The following GANAB variants were observed in gnomAD, a reference collection of about 807,000 sequenced individuals.
GANAB encodes neutral alpha-glucosidase AB.
Under a neutral mutation model 129.9 loss-of-function variants are expected in GANAB, and 35 were observed. The ratio of observed to expected loss-of-function variants is 0.27; its 90% CI spans 0.21 to 0.36. GANAB has a LOEUF of 0.36. Among genes scored for constraint, GANAB ranks in the 10% least tolerant of loss-of-function variants. GANAB has a pLI of 1.00. For synonymous variants in GANAB, 482 were observed against 451.8 expected (o/e 1.07, Z -0.85); for missense variants, 939 against 1,221.0 (o/e 0.77, Z 3.44).
Position 62,633,256 on chromosome 11 carries a change from CCT to C in GANAB, c.644_645del (p.Gln215ArgfsTer7), listed in dbSNP as rs768502347. 2.5e-6 allele frequency: 4 copies of C among 1,613,562 alleles called. No homozygotes were observed. The highest frequency in any genetic ancestry group is 2.2e-5 in the East Asian group (1 of 44,896). On this transcript the variant is annotated frameshift_variant, in exon 7 of 24. Transcript: ENST00000356638. LOFTEE classifies it high-confidence loss of function. ...PRDGDKPEET[Q>X]GKAEKDEPGA... is the part of the protein sequence containing the mutation. The stretch of plus-strand genomic sequence containing the variant: ...CCTGGCTCATCTTTCTCTGCCTTCC[CCT>C]GAGTCTCCTCTGGCTGTTAAGAAGA...
At chr11:62,641,523 A>T (rs527976298) in intron 1 of GANAB, among the ~76,000 whole-genome samples, 1 of 152,094 alleles carries the variant, frequency 6.6e-6, no homozygotes, top group East Asian at 1.9e-4. Flanking sequence ...TCTGAGCCCT[A>T]ATGCACCCCT....
At position 62,628,873 on chromosome 11, in the gene GANAB, C is replaced by T. The variant is rs1283234637; in HGVS notation, c.2076G>A (p.Gln692=). Residue 692 remains glutamine, a synonymous_variant, in exon 17 of 24, where the codon CAG becomes CAA. Transcript: ENST00000356638. ...AGGCATCTCGGATTATATCATTGTG[C>T]TGAGATGGTAACAGCCATGGCTCTC... The part of the protein sequence containing the change: ...GRREPWLLPS[Q]HNDIIRDALG... 6.2e-7 allele frequency: 1 copy of T among 1,614,140 alleles called. No homozygotes were observed. The highest frequency in any genetic ancestry group is 1.1e-5 in the South Asian group (1 of 91,084).
rs149696025 is a variant in GANAB, at chr11:62,644,952, A to G, written c.38+1610T>C. 5.3e-5 allele frequency among the ~76,000 whole-genome samples: 8 copies of G among 152,280 alleles called. No homozygotes were observed. In the East Asian group the frequency reaches 1.5e-3, roughly 29 times the overall value. ...TAGCTTCAGCATCTGCTTGAAAGCT[A>G]AAAGAAAATTACCAGAAATGAGATC... is the stretch of plus-strand genomic sequence containing the variant. On this transcript the variant is annotated intron_variant, in intron 1 of 23. Coordinates refer to ENST00000356638, the MANE Select transcript of GANAB (RefSeq NM_198334.3).
rs1039878270 is a variant in GANAB, at chr11:62,633,509, C to T, written c.566G>A (p.Gly189Glu). Residue 189 changes from glycine to glutamate, a missense_variant, in exon 6 of 24, where the codon GGA becomes GAA. This residue lies in a region of GANAB where 321 missense variants were observed against 329.1 expected (regional missense o/e 0.98). Coordinates refer to ENST00000356638, the MANE Select transcript of GANAB (RefSeq NM_198334.3). Reference protein sequence around the residue: ...EHQRAPRVSQGSKDPAEGDGA... With the variant: ...EHQRAPRVSQESKDPAEGDGA... ...ATCGCCCTCAGCTGGGTCTTTTGAT[C>T]CTTGCCTGGAAGGTAGGAGAGCTGT... is the stretch of plus-strand genomic sequence containing the variant. 1 of 1,613,782 alleles carries T rather than the reference C, an allele frequency of 6.2e-7. No individual in the cohort carries two copies. Among genetic ancestry groups the T allele is most frequent in the African/African-American group, 1.3e-5 (1 of 75,008 alleles).
At chr11:62,627,155 G>A in intron 18 of GANAB, 31 bp from the exon 19 acceptor site, 1 of 1,579,520 alleles carries the variant, frequency 6.3e-7, no homozygotes, top group Non-Finnish European at 8.7e-7. Context: ...CTCTGAATAG[G>A]GGGATTAGTT....
At chr11:62,644,032 C>T (rs1375160227) in intron 1 of GANAB, among the ~76,000 whole-genome samples, 2 of 152,152 alleles carry the variant, frequency 1.3e-5, no homozygotes, top group Non-Finnish European at 2.9e-5. Context: ...GCAACCTCTG[C>T]CTCGCGGGTT....
intron 15 of GANAB, 76 bp downstream of exon 15, chr11:62,629,512 A>G: frequency 2.1e-6 from 2 of 961,220 alleles, no homozygotes; most frequent in South Asian, 1.5e-5. Context: ...TTCCTCAGAG[A>G]GGCAGGTCCA....
chr11:62,625,542 G>A lies in GANAB; in HGVS notation c.*273C>T, dbSNP rs1699409438. On this transcript the variant is annotated 3_prime_UTR_variant, in exon 24 of 24. Transcript: ENST00000356638. Reference sequence around the variant, plus strand: ...GACAAGGGCCCTGTGGTTTCCTGGTGTTCGTAAGTGAATGTGCTCCAGTTA... The same window carrying A: ...GACAAGGGCCCTGTGGTTTCCTGGTATTCGTAAGTGAATGTGCTCCAGTTA... 3 of 494,612 alleles carry A rather than the reference G, an allele frequency of 6.1e-6. No homozygotes were observed. Among genetic ancestry groups the A allele is most frequent in the Non-Finnish European group, 1.1e-5 (3 of 270,344 alleles). The allele number at this position is 494,612 out of a possible 1,614,324, so 30.6% of individuals were successfully genotyped here. A position where few individuals can be genotyped will look rare whatever the true frequency, so the allele number is the denominator to read the frequency against.
intron 1 of GANAB, among the ~76,000 whole-genome samples, 158 bp downstream of exon 1, chr11:62,646,404 G>C (rs771810741): frequency 3.3e-5 from 5 of 152,118 alleles, no homozygotes; most frequent in Non-Finnish European, 5.9e-5. Flanking sequence ...GATCTACCAC[G>C]GGGAGACCGG....
At chr11:62,638,022 A>G (rs1214924461) in intron 4 of GANAB, among the ~76,000 whole-genome samples, 7 of 152,238 alleles carry the variant, frequency 4.6e-5, no homozygotes, top group African/African-American at 1.7e-4. Context: ...ATATGTGTGC[A>G]TATGTATACA....
At chr11:62,627,801 G>A (rs774002013) in intron 17 of GANAB, among the ~76,000 whole-genome samples, 8 of 152,012 alleles carry the variant, frequency 5.3e-5, no homozygotes, top group Non-Finnish European at 1.2e-4. Context: ...TCAGACAGTC[G>A]GGTTGGGGTT....
At chr11:62,632,519 C>A in intron 9 of GANAB, 46 bp downstream of exon 9, 1 of 1,490,244 alleles carries the variant, frequency 6.7e-7, no homozygotes. Context: ...TGCCTCAAGG[C>A]CTGGAAGCTT....
chr11:62,646,228 A>G (rs1162667708), intron 1 of GANAB, among the ~76,000 whole-genome samples: 1 of 152,048 alleles, frequency 6.6e-6, no homozygotes, highest in Non-Finnish European at 1.5e-5. Flanking sequence ...CGCCCCGACG[A>G]CCCCGCGCAC....
intron 8 of GANAB, 27 bp from the exon 9 acceptor site, chr11:62,632,772 T>G: frequency 6.3e-7 from 1 of 1,593,270 alleles, no homozygotes; most frequent in South Asian, 1.1e-5. Flanking sequence ...AGACTTGGGC[T>G]GCTAACTGGC....
At chr11:62,645,537 CAAAAA>C (rs11322640) in intron 1 of GANAB, among the ~76,000 whole-genome samples, 18 of 129,732 alleles carry the variant, frequency 1.4e-4, no homozygotes, top group Admixed American at 6.2e-4. Flanking sequence ...CTCTGTCTCT[CAAAAA>C]AAAAAAAAAA....
intron 1 of GANAB, among the ~76,000 whole-genome samples, chr11:62,642,891 G>T (rs1414265781): frequency 6.6e-5 from 10 of 152,144 alleles, no homozygotes; most frequent in Non-Finnish European, 1.5e-5. Context: ...AGCATAAAAG[G>T]TTGAATAGTT....
intron 17 of GANAB, among the ~76,000 whole-genome samples, chr11:62,627,786 T>C (rs1271630090): frequency 1.3e-5 from 2 of 152,140 alleles, no homozygotes; most frequent in Non-Finnish European, 2.9e-5. Flanking sequence ...CCCAGGAGTT[T>C]GCAGTCAGAC....
In GANAB at chr11:62,626,410, T is replaced by C. The variant is rs1267867562; in HGVS notation, c.2549A>G (p.His850Arg). Residue 850 changes from histidine (H) to arginine (R), a missense_variant, in exon 22 of 24, where the codon CAC becomes CGC. Physicochemically the swap from His to Arg is conservative, Grantham distance 29. Around this residue, in one of 5 missense-constraint regions of GANAB, gnomAD observed 230 missense variants for 259.9 expected, o/e 0.89. Transcript: ENST00000356638. ...AQGELFLDDGHTFNYQTRQEF... is the reference protein window; with the variant it reads ...AQGELFLDDGRTFNYQTRQEF... ...TTGGCGAGTCTGATAGTTGAACGTG[T>C]GCCCATCATCCAGAAAGAGCTCTCC... 2 of 1,613,392 alleles carry C rather than the reference T, an allele frequency of 1.2e-6. No individual in the cohort carries two copies. The highest frequency in any genetic ancestry group is 3.3e-5 in the Admixed American group (2 of 59,996).
At position 62,625,581 on chromosome 11, in the gene GANAB, T is replaced by C. The variant is rs1943329157; in HGVS notation, c.*234A>G. ...GTGCTCCAGTTAGAGCAACAGGATG[T>C]TGGGGGAATGAAGGGAAAGAGTTGG... On this transcript the variant is annotated 3_prime_UTR_variant, in exon 24 of 24. Transcript: ENST00000356638. 1 of 552,368 alleles carries C rather than the reference T, an allele frequency of 1.8e-6. No homozygotes were observed. Among genetic ancestry groups the C allele is most frequent in the South Asian group, 2.0e-5 (1 of 49,248 alleles). The allele number at this position is 552,368 out of a possible 1,614,324, so 34.2% of individuals were successfully genotyped here.
Sources: gnomAD v4.1 joint callset for allele counts (sites outside exome capture counted in the v4.1 genomes callset) on GRCh38, gnomAD v4.1.1 for gene constraint, gnomAD v4.1.1 regional missense constraint, MANE v1.5 for transcripts, NCBI Gene and HGNC (gene_info 2026-07-23, HGNC 2026-07-21) for gene names.